The following TACR1 variants were observed in gnomAD, a reference collection of about 807,000 sequenced individuals.
The protein encoded by TACR1 is tachykinin receptor 1.
Under a neutral mutation model 35.8 loss-of-function variants are expected in TACR1, and 25 were observed. That is an observed-to-expected ratio of 0.70 (90% CI 0.51 to 0.98). The LOEUF is 0.98. TACR1 is among the 50% of genes least tolerant of loss of function. TACR1 has a pLI of 0.00. For synonymous variants in TACR1, 195 were observed against 206.7 expected, an observed-to-expected ratio of 0.94 and a Z score of 0.48; for missense variants, 478 against 522.9, an observed-to-expected ratio of 0.91 and a Z score of 0.84.
At chr2:75,056,609 A>T (rs938807399) in intron 2 of TACR1, among the ~76,000 whole-genome samples, 1 of 152,212 alleles carries the variant, frequency 6.6e-6, no homozygotes, top group African/African-American at 2.4e-5. Context: ...AGTGGTAACC[A>T]TGTCCTGATC....
intron 1 of TACR1, among the ~76,000 whole-genome samples, chr2:75,140,612 C>T (rs1015175627): frequency 6.6e-6 from 1 of 152,182 alleles, no homozygotes; most frequent in Admixed American, 6.5e-5. Context: ...TTAAGAAGCC[C>T]TCCTTGAGGC....
At chr2:75,152,356 G>A (rs1488766240) in intron 1 of TACR1, among the ~76,000 whole-genome samples, 2 of 152,206 alleles carry the variant, frequency 1.3e-5, no homozygotes, top group Non-Finnish European at 2.9e-5. Flanking sequence ...ATGGGGGCCA[G>A]TGTTTCCCAT....
At chr2:75,156,641 G>A (rs1674866075) in intron 1 of TACR1, among the ~76,000 whole-genome samples, 1 of 151,142 alleles carries the variant, frequency 6.6e-6, no homozygotes, top group Non-Finnish European at 1.5e-5. Flanking sequence ...CTACCCAAGA[G>A]TGTCTGGAGG....
At chr2:75,072,844 T>C (rs1005645881) in intron 2 of TACR1, among the ~76,000 whole-genome samples, 4 of 152,240 alleles carry the variant, frequency 2.6e-5, no homozygotes, top group African/African-American at 9.6e-5. Flanking sequence ...GGTCTATGGT[T>C]CCAAGTTTTC....
At chr2:75,164,152 C>T (rs979057795) in intron 1 of TACR1, among the ~76,000 whole-genome samples, 1 of 151,356 alleles carries the variant, frequency 6.6e-6, no homozygotes, top group Non-Finnish European at 1.5e-5. Flanking sequence ...ATGGTGAAAC[C>T]CCGTCTCTAC....
At chr2:75,064,327 AAAAC>A (rs953890717) in intron 2 of TACR1, among the ~76,000 whole-genome samples, 8 of 152,308 alleles carry the variant, frequency 5.3e-5, no homozygotes, top group Admixed American at 5.2e-4. Context: ...TACGTTAAGA[AAAAC>A]AAACAAAACT....
At chr2:75,147,081 C>T (rs1475665840) in intron 1 of TACR1, among the ~76,000 whole-genome samples, 2 of 152,212 alleles carry the variant, frequency 1.3e-5, no homozygotes, top group African/African-American at 4.8e-5. Context: ...AGCCATCAGA[C>T]GGTGAGTAGG....
At chr2:75,174,630 G>A (rs1486771792) in intron 1 of TACR1, among the ~76,000 whole-genome samples, 2 of 152,226 alleles carry the variant, frequency 1.3e-5, no homozygotes, top group African/African-American at 4.8e-5. Context: ...CGTGGATAAG[G>A]GGGGACTATT....
chr2:75,051,200 A>G (rs765909125), intron 4 of TACR1, 51 bp downstream of exon 4: 1 of 1,612,868 alleles, frequency 6.2e-7, no homozygotes, highest in Non-Finnish European at 8.5e-7. Flanking sequence ...GCCACTGTGT[A>G]TGTAGATGGT....
At chr2:75,122,035 C>G (rs1001285009) in intron 1 of TACR1, among the ~76,000 whole-genome samples, 1 of 152,216 alleles carries the variant, frequency 6.6e-6, no homozygotes, top group Non-Finnish European at 1.5e-5. Flanking sequence ...TAAATTCCCA[C>G]TGGACACCTG....
chr2:75,080,273 T>G (rs191626121), intron 2 of TACR1, among the ~76,000 whole-genome samples: 19 of 152,224 alleles, frequency 1.2e-4, no homozygotes, highest in Middle Eastern at 3.4e-3. Context: ...CACTCCGTCC[T>G]GGAAAAAGGT....
chr2:75,112,697 G>A (rs1673775232), intron 2 of TACR1, among the ~76,000 whole-genome samples: 1 of 151,848 alleles, frequency 6.6e-6, no homozygotes, highest in Non-Finnish European at 1.5e-5. Flanking sequence ...GCTGAAATAA[G>A]CTACTTTTTT....
At chr2:75,168,380 A>G (rs1675195741) in intron 1 of TACR1, among the ~76,000 whole-genome samples, 1 of 152,176 alleles carries the variant, frequency 6.6e-6, no homozygotes, top group African/African-American at 2.4e-5. Flanking sequence ...GGTCTGCCCA[A>G]TCTAATCAGG....
At chr2:75,051,008 G>T in intron 4 of TACR1, 1 of 542,550 alleles carries the variant, frequency 1.8e-6, no homozygotes, top group Non-Finnish European at 3.3e-6. Flanking sequence ...GAAGACTTTG[G>T]ACAATAATAT....
intron 3 of TACR1, among the ~76,000 whole-genome samples, chr2:75,052,173 G>T (rs911939606): frequency 1.7e-4 from 26 of 152,098 alleles, no homozygotes; most frequent in African/African-American, 6.3e-4. Context: ...GGTGGCCTTT[G>T]GGAACTAATT....
intron 1 of TACR1, chr2:75,156,352 A>C (rs1296740728): frequency 6.6e-6 from 1 of 151,496 alleles, no homozygotes; most frequent in Non-Finnish European, 1.5e-5. Context: ...GCGGTGGCTC[A>C]TGCCTGTAAT....
Position 75,051,262 on chromosome 2 carries a change from G to A in TACR1, c.921C>T (p.Cys307=), listed in dbSNP as rs78677396. The change falls in exon 4 of 5, where the codon TGC becomes TGT. Residue 307 remains cysteine, a synonymous_variant. Transcript: ENST00000305249. ...STMYNPIIYC[C]LNDRFRLGFK... ...GTTGGGATCCTCACCTGTCATTGAGGCAGCAGTAGATGATGGGGTTGTACA... is the reference window on the plus strand; with the variant it reads ...GTTGGGATCCTCACCTGTCATTGAGACAGCAGTAGATGATGGGGTTGTACA... 1.6e-4 allele frequency: 256 copies of A among 1,614,196 alleles called. 2 individuals carry two copies. The Admixed American group carries it at 1.6e-3, about 10-fold the overall frequency.
chr2:75,050,735 T>A (rs986563329), intron 4 of TACR1, among the ~76,000 whole-genome samples: 1 of 152,176 alleles, frequency 6.6e-6, no homozygotes, highest in African/African-American at 2.4e-5. Flanking sequence ...CTGGAACTGC[T>A]GGAAGAAAAT....
chr2:75,129,003 GAC>G (rs1256025055), intron 1 of TACR1, among the ~76,000 whole-genome samples: 2 of 152,216 alleles, frequency 1.3e-5, no homozygotes, highest in Non-Finnish European at 2.9e-5. Flanking sequence ...GGTGTGTGCT[GAC>G]ACACGGGAGA....
Sources: gnomAD v4.1 joint callset for allele counts (sites outside exome capture counted in the v4.1 genomes callset) on GRCh38, gnomAD v4.1.1 for gene constraint, MANE v1.5 for transcripts, NCBI Gene and HGNC (gene_info 2026-07-23, HGNC 2026-07-21) for gene names.